SGTA: variants seen among roughly 807,000 people sequenced by gnomAD.
SGTA encodes small glutamine rich tetratricopeptide repeat co-chaperone alpha, also known as small glutamine-rich tetratricopeptide repeat-containing protein alpha.
Under a neutral mutation model 44.3 loss-of-function variants are expected in SGTA, and 22 were observed. That is an observed-to-expected ratio of 0.50 (90% CI 0.36 to 0.71). The LOEUF (loss-of-function observed/expected upper bound fraction) is 0.71, where lower values mean the gene tolerates loss of function less well. SGTA is among the 30% of genes least tolerant of loss of function. SGTA has a pLI of 0.00. For synonymous variants in SGTA, 174 were observed against 177.6 expected (o/e 0.98, Z 0.16); for missense variants, 341 against 435.9 (o/e 0.78, Z 1.94).
chr19:2,760,517 CAAAAAAAAAA>C (rs58836148), intron 8 of SGTA, among the ~76,000 whole-genome samples: 1 of 51,642 alleles, frequency 1.9e-5, no homozygotes, highest in South Asian at 5.2e-4. Context: ...GACTCCATCT[CAAAAAAAAAA>C]AAAAAAAAAA....
rs866168233 is a variant in SGTA, at chr19:2,771,103, C to T, written c.-23-2012G>A. On this transcript the variant is annotated intron_variant, in intron 1 of 11. Transcript: ENST00000221566. ...AATAACCCGGAAGCTGTCAGCCCAG[C>T]GCTTGGCGCCCTGCGATATCTGTTG... Among the ~76,000 whole-genome samples, 6 of 152,340 alleles carry T rather than the reference C, an allele frequency of 3.9e-5. No individual in the cohort carries two copies. In the East Asian group the frequency reaches 1.2e-3, roughly 29 times the overall value.
chr19:2,768,547 C>T (rs553839840), intron 2 of SGTA, among the ~76,000 whole-genome samples: 1 of 152,216 alleles, frequency 6.6e-6, no homozygotes, highest in African/African-American at 2.4e-5. Flanking sequence ...GACCAAGGCA[C>T]CTGGGGAGCG....
chr19:2,756,830 G>A (rs1914831917), intron 11 of SGTA, among the ~76,000 whole-genome samples: 1 of 152,144 alleles, frequency 6.6e-6, no homozygotes. Context: ...AACTGTAAGT[G>A]CAACACCTGC....
In SGTA at chr19:2,761,694, C is replaced by T. The variant is rs1205607766; in HGVS notation, c.637-172G>A. On this transcript the variant is annotated intron_variant, in intron 7 of 11. Coordinates refer to ENST00000221566, the MANE Select transcript of SGTA (RefSeq NM_003021.4). The surrounding 1 kb of genome is among the most constrained non-coding windows in gnomAD (Gnocchi z 5.7). ...GAAGCACATCGCAACCGCCCGGGGA[C>T]GGCACAGTCTGTCATCCCGTGTTTA... Among the ~76,000 whole-genome samples the T allele has an allele frequency of 1.3e-5, 2 of 151,944 alleles. No individual in the cohort carries two copies. The highest frequency in any genetic ancestry group is 2.4e-5 in the African/African-American group (1 of 41,268).
chr19:2,755,305 A>G lies in SGTA; in HGVS notation c.*635T>C, dbSNP rs1241982188. ...ATGCCCAACTGGAGAAAAGTCACAG[A>G]AACTGGTCCTATGCACCCAGGACGG... On this transcript the variant is annotated 3_prime_UTR_variant, in exon 12 of 12. Coordinates refer to ENST00000221566, the MANE Select transcript of SGTA (RefSeq NM_003021.4). The surrounding 1 kb of genome is among the most constrained non-coding windows in gnomAD (Gnocchi z 5.2). 3.3e-6 allele frequency: 2 copies of G among 609,096 alleles called. No homozygotes were observed. The highest frequency in any genetic ancestry group is 6.3e-5 in the Admixed American group (1 of 15,822). The allele number at this position is 609,096 out of a possible 1,614,324, so 37.7% of individuals were successfully genotyped here.
rs545400817 is a variant in SGTA at position 2,761,685 on chromosome 19, G to C, written c.637-163C>G. 2.6e-4 allele frequency among the ~76,000 whole-genome samples: 39 copies of C among 152,094 alleles called. No homozygotes were observed. Among genetic ancestry groups the C allele is most frequent in the Admixed American group, 4.6e-4 (7 of 15,290 alleles). The stretch of plus-strand genomic sequence containing the variant: ...AGGCAGCACGAAGCACATCGCAACC[G>C]CCCGGGGACGGCACAGTCTGTCATC... On this transcript the variant is annotated intron_variant, in intron 7 of 11. Transcript: ENST00000221566. This position sits in a 1 kb window ranked among gnomAD's most constrained non-coding sequence, Gnocchi z 5.7.
intron 1 of SGTA, among the ~76,000 whole-genome samples, chr19:2,774,659 C>A (rs2144738204): frequency 6.6e-6 from 1 of 152,252 alleles, no homozygotes; most frequent in South Asian, 2.1e-4. Context: ...CTTCGCAGAC[C>A]TAGAACGTCA....
chr19:2,763,237 A>G lies in SGTA; in HGVS notation c.497+416T>C, dbSNP rs1339494066. Among the ~76,000 whole-genome samples the G allele has an allele frequency of 6.6e-6, 1 of 152,140 alleles. No homozygotes were observed. Among genetic ancestry groups the G allele is most frequent in the Non-Finnish European group, 1.5e-5 (1 of 68,006 alleles). On this transcript the variant is annotated intron_variant, in intron 6 of 11. Transcript: ENST00000221566. This position sits in a 1 kb window ranked among gnomAD's most constrained non-coding sequence, Gnocchi z 5.8. ...CAGGCGAATGCACGCTTATGCTGGG[A>G]GGGCGGCACCGGCTGCACGGGGCGC... is the stretch of plus-strand genomic sequence containing the variant.
intron 8 of SGTA, 103 bp from the exon 9 acceptor site, chr19:2,759,397 C>G (rs1914920997): frequency 9.5e-7 from 1 of 1,047,828 alleles, no homozygotes; most frequent in Admixed American, 1.8e-5. Flanking sequence ...TGGACTCCAG[C>G]ACGCCAACCA....
At position 2,763,559 on chromosome 19, in the gene SGTA, T is replaced by G; in HGVS notation, c.497+94A>C. The stretch of plus-strand genomic sequence containing the variant: ...TGAACCGGGGTGGGAGAATTCGTTG[T>G]GGGTGGGAAAAAAGCCACACAAGAG... On this transcript the variant is annotated intron_variant, in intron 6 of 11. Coordinates refer to ENST00000221566, the MANE Select transcript of SGTA (RefSeq NM_003021.4). This position sits in a 1 kb window ranked among gnomAD's most constrained non-coding sequence, Gnocchi z 5.8. 1 of 825,072 alleles carries G rather than the reference T, an allele frequency of 1.2e-6. No individual in the cohort carries two copies. Among genetic ancestry groups the G allele is most frequent in the South Asian group, 1.7e-5 (1 of 59,834 alleles). The allele number at this position is 825,072 out of a possible 1,614,324, so 51.1% of individuals were successfully genotyped here. A position where few individuals can be genotyped will look rare whatever the true frequency, so the allele number is the denominator to read the frequency against.
rs1015367284 is a variant in SGTA at position 2,755,260 on chromosome 19, G to A, written c.*680C>T. The A allele has an allele frequency of 7.6e-6, 2 of 263,512 alleles. No individual in the cohort carries two copies. The highest frequency in any genetic ancestry group is 4.6e-5 in the African/African-American group (2 of 43,566). 16.3% of individuals were successfully genotyped at this position (263,512 alleles called of 1,614,324 possible). ...GGACCAGAAAATGAGGGTGGGAGGAGGGGAAACATGTCTGTCAACATGCCC... is the reference window on the plus strand; with the variant it reads ...GGACCAGAAAATGAGGGTGGGAGGAAGGGAAACATGTCTGTCAACATGCCC... On this transcript the variant is annotated 3_prime_UTR_variant, in exon 12 of 12. Transcript: ENST00000221566. This position sits in a 1 kb window ranked among gnomAD's most constrained non-coding sequence, Gnocchi z 5.2.
rs376227893 is a variant in SGTA at position 2,761,679 on chromosome 19, G to A, written c.637-157C>T. On this transcript the variant is annotated intron_variant, in intron 7 of 11. Transcript: ENST00000221566. This position sits in a 1 kb window ranked among gnomAD's most constrained non-coding sequence, Gnocchi z 5.7. Reference sequence around the variant, plus strand: ...TGAGGCAGGCAGCACGAAGCACATCGCAACCGCCCGGGGACGGCACAGTCT... The same window carrying A: ...TGAGGCAGGCAGCACGAAGCACATCACAACCGCCCGGGGACGGCACAGTCT... 3.3e-5 allele frequency among the ~76,000 whole-genome samples: 5 copies of A among 152,126 alleles called. No individual in the cohort carries two copies. Among genetic ancestry groups the A allele is most frequent in the African/African-American group, 7.2e-5 (3 of 41,412 alleles).
intron 4 of SGTA, among the ~76,000 whole-genome samples, chr19:2,766,421 GTTTTATT>G (rs779258756): frequency 3.2e-4 from 49 of 151,852 alleles, no homozygotes; most frequent in East Asian, 7.7e-4. Context: ...TCTTTTTATT[GTTTTATT>G]TTTTATTTTT....
intron 1 of SGTA, among the ~76,000 whole-genome samples, chr19:2,772,951 A>G (rs1433743206): frequency 3.3e-5 from 2 of 61,170 alleles, no homozygotes; most frequent in East Asian, 9.4e-4. Context: ...GCCACACGGC[A>G]GGGACACCGA....
intron 1 of SGTA, among the ~76,000 whole-genome samples, chr19:2,779,202 T>C (rs1915515290): frequency 6.6e-6 from 1 of 152,226 alleles, no homozygotes; most frequent in Non-Finnish European, 1.5e-5. Context: ...AAAATGACTT[T>C]GCTGTGAGCT....
chr19:2,765,247 C>T lies in SGTA; in HGVS notation c.331G>A (p.Val111Met), dbSNP rs758865273. 14 of 1,613,634 alleles carry T rather than the reference C, an allele frequency of 8.7e-6. No homozygotes were observed. In the East Asian group the frequency reaches 2.2e-4, roughly 26 times the overall value. The change falls in exon 5 of 12, where the codon GTG becomes ATG. Residue 111 changes from valine to methionine, a missense_variant. Physicochemically the swap from Val to Met is conservative, Grantham distance 21 (BLOSUM62 1). Coordinates refer to ENST00000221566, the MANE Select transcript of SGTA (RefSeq NM_003021.4). The surrounding 1 kb of genome is among the most constrained non-coding windows in gnomAD (Gnocchi z 5.5). ...QMKVENFEAA[V>M]HFYGKAIELN... The stretch of plus-strand genomic sequence containing the variant: ...TCGATGGCTTTTCCGTAGAAATGCA[C>T]GGCAGCTTCAAAGTTTTCCACTTTC...
At position 2,765,214 on chromosome 19, in the gene SGTA, G is replaced by T; in HGVS notation, c.364C>A (p.Pro122Thr). Residue 122 changes from proline (P) to threonine (T), a missense_variant, in exon 5 of 12, where the codon CCA becomes ACA. Physicochemically the swap from Pro to Thr is conservative, Grantham distance 38. Transcript: ENST00000221566. The surrounding 1 kb of genome is among the most constrained non-coding windows in gnomAD (Gnocchi z 5.5). ...TTGCAGAAATAGACGGCGTTGGCTG[G>T]GTTGAGCTCGATGGCTTTTCCGTAG... is the stretch of plus-strand genomic sequence containing the variant. ...HFYGKAIELN[P>T]ANAVYFCNRA... The T allele has an allele frequency of 6.2e-7, 1 of 1,614,056 alleles. No individual in the cohort carries two copies. Among genetic ancestry groups the T allele is most frequent in the South Asian group, 1.1e-5 (1 of 91,088 alleles).
Position 2,755,074 on chromosome 19 carries a change from G to A in SGTA, c.*866C>T, listed in dbSNP as rs530398674. On this transcript the variant is annotated 3_prime_UTR_variant, in exon 12 of 12. Transcript: ENST00000221566. This position sits in a 1 kb window ranked among gnomAD's most constrained non-coding sequence, Gnocchi z 5.2. ...CCCGTGGCCTCCACCCAGCACAGGA[G>A]GGGTAAGCTTCCCTGGGGGGCCCCG... 1 of 152,364 alleles carries A rather than the reference G, an allele frequency of 6.6e-6. No individual in the cohort carries two copies. The highest frequency in any genetic ancestry group is 2.1e-4 in the South Asian group (1 of 4,832). 9.4% of individuals were successfully genotyped at this position (152,364 alleles called of 1,614,324 possible).
At position 2,762,616 on chromosome 19, in the gene SGTA, C is replaced by T. The variant is rs747296720; in HGVS notation, c.526G>A (p.Val176Met). Residue 176 changes from valine to methionine, a missense_variant, in exon 7 of 12, where the codon GTG (valine) becomes ATG (methionine). Val to Met is a conservative substitution (Grantham distance 21, BLOSUM62 1). Coordinates refer to ENST00000221566, the MANE Select transcript of SGTA (RefSeq NM_003021.4). ...TTCTTGTAGTAAGCCACGGCCTCCA[C>T]GTGCTTGTTGAGGCTGGAGAGCGCC... ...GLALSSLNKH[V>M]EAVAYYKKAL... 5 of 1,614,044 alleles carry T rather than the reference C, an allele frequency of 3.1e-6. No individual in the cohort carries two copies. In the South Asian group the frequency reaches 4.4e-5, roughly 14 times the overall value.
Sources: allele counts gnomAD v4.1 joint callset (sites outside exome capture counted in the v4.1 genomes callset), GRCh38; gene constraint gnomAD v4.1.1; non-coding constraint Gnocchi (gnomAD v3.1); transcripts MANE v1.5; gene names NCBI Gene and HGNC (gene_info 2026-07-23, HGNC 2026-07-21).